The following NECTIN1 variants were observed in gnomAD, a reference collection of about 807,000 sequenced individuals.
NECTIN1 encodes the protein nectin cell adhesion molecule 1.
Under a neutral mutation model 48.0 loss-of-function variants are expected in NECTIN1, and 23 were observed. The observed-to-expected ratio is 0.48, with a 90% CI of 0.34 to 0.68. NECTIN1 has a LOEUF of 0.68. Among genes scored for constraint, NECTIN1 ranks in the 30% least tolerant of loss-of-function variants. The pLI is 0.01. For synonymous variants in NECTIN1, 270 were observed against 288.9 expected, an observed-to-expected ratio of 0.93 and a Z score of 0.66; for missense variants, 591 against 709.9, an observed-to-expected ratio of 0.83 and a Z score of 1.90.
At chr11:119,724,724 A>T (rs951481068) in intron 1 of NECTIN1, among the ~76,000 whole-genome samples, 1 of 152,190 alleles carries the variant, frequency 6.6e-6, no homozygotes, top group Non-Finnish European at 1.5e-5. Flanking sequence ...TTCTACTCCT[A>T]GTCCCCATAG....
chr11:119,676,922 C>T (rs915639714), intron 4 of NECTIN1, 180 bp downstream of exon 4: 29 of 654,428 alleles, frequency 4.4e-5, no homozygotes, highest in Non-Finnish European at 5.8e-5. Context: ...CACACATGGA[C>T]GTAATGTATA....
At chr11:119,704,808 C>T (rs1398765731) in intron 1 of NECTIN1, among the ~76,000 whole-genome samples, 1 of 152,216 alleles carries the variant, frequency 6.6e-6, no homozygotes, top group East Asian at 1.9e-4. Context: ...GCTGAGAGCT[C>T]AGCCATGACT....
rs147587868 is a variant in NECTIN1 at position 119,663,117 on chromosome 11, C to T, written c.*1630G>A. On this transcript the variant is annotated 3_prime_UTR_variant, in exon 6 of 6. Transcript: ENST00000264025. ...AGTGGTCTGCCTCCCTCCTCCCCAA[C>T]ACTTGCCATCCTGCAGAGCCCCTGA... 1.0e-6 allele frequency: 1 copy of T among 985,552 alleles called. No individual in the cohort carries two copies. Among genetic ancestry groups the T allele is most frequent in the Non-Finnish European group, 1.2e-6 (1 of 829,992 alleles). The allele number at this position is 985,552 out of a possible 1,614,324, so 61.1% of individuals were successfully genotyped here.
chr11:119,686,394 C>T (rs1245272572), intron 1 of NECTIN1, among the ~76,000 whole-genome samples: 8 of 152,174 alleles, frequency 5.3e-5, no homozygotes, highest in Non-Finnish European at 1.2e-4. Flanking sequence ...TCCAGGCCAA[C>T]ATCATCCCTT....
chr11:119,646,850 C>T (rs951490216), intron 5 of NECTIN1, among the ~76,000 whole-genome samples: 3 of 152,238 alleles, frequency 2.0e-5, no homozygotes, highest in Admixed American at 6.5e-5. Context: ...ACGTTTTCGT[C>T]TGTGAAATGA....
Position 119,677,926 on chromosome 11 carries a change from G to A in NECTIN1, c.431-69C>T, listed in dbSNP as rs917262948. On this transcript the variant is annotated intron_variant, in intron 2 of 5. Coordinates refer to ENST00000264025, the MANE Select transcript of NECTIN1 (RefSeq NM_002855.5). This position sits in a 1 kb window ranked among gnomAD's most constrained non-coding sequence, Gnocchi z 5.4. ...TGTCCAAGATGCACCGGCCAAAAGGGCGTGGCATCCGTCAGGCCTTGTCTT... is the reference window on the plus strand; with the variant it reads ...TGTCCAAGATGCACCGGCCAAAAGGACGTGGCATCCGTCAGGCCTTGTCTT... 4 of 1,515,428 alleles carry A rather than the reference G, an allele frequency of 2.6e-6. No individual in the cohort carries two copies. In the African/African-American group the frequency reaches 5.5e-5, roughly 21 times the overall value. 93.9% of individuals were successfully genotyped at this position (1,515,428 alleles called of 1,614,324 possible).
intron 1 of NECTIN1, among the ~76,000 whole-genome samples, chr11:119,719,899 C>T (rs901924384): frequency 6.6e-6 from 1 of 152,104 alleles, no homozygotes; most frequent in Non-Finnish European, 1.5e-5. Context: ...GTCATGAAAG[C>T]TTCACAATAG....
In NECTIN1 at chr11:119,661,829, T is replaced by A; in HGVS notation, c.*2918A>T. On this transcript the variant is annotated 3_prime_UTR_variant, in exon 6 of 6. Transcript: ENST00000264025. ...TGCTGAGTGGCCATCTGGCTGTGCATGCATGCGTGTGTACATGCGTGTACA... is the reference window on the plus strand; with the variant it reads ...TGCTGAGTGGCCATCTGGCTGTGCAAGCATGCGTGTGTACATGCGTGTACA... 1 of 985,414 alleles carries A rather than the reference T, an allele frequency of 1.0e-6. No homozygotes were observed. The highest frequency in any genetic ancestry group is 1.2e-6 in the Non-Finnish European group (1 of 829,940). The allele number at this position is 985,414 out of a possible 1,614,324, so 61.0% of individuals were successfully genotyped here. A position where few individuals can be genotyped will look rare whatever the true frequency, so the allele number is the denominator to read the frequency against.
intron 1 of NECTIN1, among the ~76,000 whole-genome samples, chr11:119,679,745 G>A (rs573046924): frequency 6.6e-6 from 1 of 152,094 alleles, no homozygotes; most frequent in East Asian, 1.9e-4. Flanking sequence ...TTGAGTCCCG[G>A]CCTCCATGGA....
downstream of NECTIN1, among the ~76,000 whole-genome samples, chr11:119,657,345 G>A (rs1210009470): frequency 6.6e-6 from 1 of 152,144 alleles, no homozygotes; most frequent in Non-Finnish European, 1.5e-5. Context: ...GCCAGGTGCG[G>A]TGACTTATGC....
At chr11:119,640,353 G>C in intron 5 of NECTIN1, 1 of 359,450 alleles carries the variant, frequency 2.8e-6, no homozygotes, top group South Asian at 3.1e-5. Flanking sequence ...CTGCAGGGAA[G>C]ATTCCTGTTG....
intron 5 of NECTIN1, among the ~76,000 whole-genome samples, chr11:119,667,709 T>G (rs1864798056): frequency 6.6e-6 from 1 of 152,240 alleles, no homozygotes; most frequent in Admixed American, 6.5e-5. Flanking sequence ...CTGTTCCAGC[T>G]GTCTCGCTGG....
At chr11:119,714,371 C>T (rs1184557675) in intron 1 of NECTIN1, among the ~76,000 whole-genome samples, 2 of 152,204 alleles carry the variant, frequency 1.3e-5, no homozygotes, top group Non-Finnish European at 2.9e-5. Context: ...TGCACCATGG[C>T]ACGAAGCAGC....
Position 119,662,888 on chromosome 11 carries a change from T to G in NECTIN1, c.*1859A>C, listed in dbSNP as rs962810766. 1 of 986,072 alleles carries G rather than the reference T, an allele frequency of 1.0e-6. No homozygotes were observed. Among genetic ancestry groups the G allele is most frequent in the African/African-American group, 1.7e-5 (1 of 57,258 alleles). The allele number at this position is 986,072 out of a possible 1,614,324, so 61.1% of individuals were successfully genotyped here. On this transcript the variant is annotated 3_prime_UTR_variant, in exon 6 of 6. Transcript: ENST00000264025. The surrounding 1 kb of genome is among the most constrained non-coding windows in gnomAD (Gnocchi z 5.3). The stretch of plus-strand genomic sequence containing the variant: ...CAGGGCTGGCATGGCTTCAGACTTC[T>G]GCTACGTGGCTACTGGGCAGCCTGG...
intron 1 of NECTIN1, among the ~76,000 whole-genome samples, chr11:119,690,899 T>C (rs967874021): frequency 6.6e-6 from 1 of 152,052 alleles, no homozygotes; most frequent in Non-Finnish European, 1.5e-5. Flanking sequence ...CAACCTACCT[T>C]CCGGCTCAAC....
At chr11:119,713,888 T>C (rs958521662) in intron 1 of NECTIN1, 4 of 455,840 alleles carry the variant, frequency 8.8e-6, no homozygotes, top group Non-Finnish European at 1.8e-5. Flanking sequence ...GTGAGATGTC[T>C]GATGCCAGGG....
intron 1 of NECTIN1, among the ~76,000 whole-genome samples, chr11:119,723,044 C>T (rs531768616): frequency 2.6e-5 from 4 of 151,964 alleles, no homozygotes; most frequent in Admixed American, 6.6e-5. Context: ...GGTGAAACCC[C>T]GTCTCTACTA....
intron 5 of NECTIN1, among the ~76,000 whole-genome samples, chr11:119,648,475 C>T (rs569075400): frequency 1.9e-5 from 2 of 104,630 alleles, no homozygotes; most frequent in East Asian, 2.7e-4. Context: ...GCACCAGACT[C>T]TTCCAGCACC....
At chr11:119,723,419 C>T (rs866807000) in intron 1 of NECTIN1, among the ~76,000 whole-genome samples, 3 of 152,108 alleles carry the variant, frequency 2.0e-5, no homozygotes, top group Admixed American at 2.0e-4. Context: ...TGCTCTCCCT[C>T]CACCAGGGCC....
Sources: allele counts gnomAD v4.1 joint callset (sites outside exome capture counted in the v4.1 genomes callset), GRCh38; gene constraint gnomAD v4.1.1; non-coding constraint Gnocchi (gnomAD v3.1); transcripts MANE v1.5; gene names NCBI Gene and HGNC (gene_info 2026-07-23, HGNC 2026-07-21).